USH2A: variants seen among roughly 807,000 people sequenced by gnomAD.
USH2A encodes usherin.
USH2A carries 443 observed loss-of-function variants against 538.9 expected under a neutral mutation model. The observed-to-expected ratio is 0.82, with a 90% CI of 0.76 to 0.89. The LOEUF (loss-of-function observed/expected upper bound fraction) is 0.89. Ranked by LOEUF, USH2A falls within the 40% of genes least tolerant of loss-of-function variation. The probability of loss-of-function intolerance (pLI) is 0.00; values close to 1 mark genes in which losing one functional copy is unlikely to be tolerated. For synonymous variants in USH2A, 2,413 were observed against 2,273.5 expected (o/e 1.06, Z -1.75); for missense variants, 6,633 against 6,324.8 (o/e 1.05, Z -1.65).
chr1:215,625,607 ATT>A lies in USH2A; in HGVS notation c.*172_*173del. 1.5e-6 allele frequency: 1 copy of A among 654,708 alleles called. No individual in the cohort carries two copies. Among genetic ancestry groups the A allele is most frequent in the South Asian group, 1.8e-5 (1 of 55,464 alleles). 40.6% of individuals were successfully genotyped at this position (654,708 alleles called of 1,614,324 possible). Reference sequence around the variant, plus strand: ...TCTCATTTAAGATGAGAAAAATATCATTTCTTAGACCTCTATTAGGAAGGAAC... The same window carrying A: ...TCTCATTTAAGATGAGAAAAATATCATCTTAGACCTCTATTAGGAAGGAAC... On this transcript the variant is annotated 3_prime_UTR_variant, in exon 72 of 72. Transcript: ENST00000307340.
Position 216,054,082 on chromosome 1 carries a change from C to A in USH2A, c.6050-5435G>T, listed in dbSNP as rs78695676. Among the ~76,000 whole-genome samples the A allele has an allele frequency of 4.1e-3, 617 of 152,276 alleles. 5 individuals carry two copies. The highest frequency in any genetic ancestry group is 0.014 in the African/African-American group (600 of 41,564). On this transcript the variant is annotated intron_variant, in intron 30 of 71. Transcript: ENST00000307340. ...ATTCCTTGAACACAGAGGGCATAGC[C>A]TTTTACTGCTTTCCTTATCCTCTAT...
chr1:215,930,979 G>C lies in USH2A; in HGVS notation c.7300+3637C>G, dbSNP rs1032383829. On this transcript the variant is annotated intron_variant, in intron 38 of 71. Coordinates refer to ENST00000307340, the MANE Select transcript of USH2A (RefSeq NM_206933.4). ...AAGAATACCTTAGTGCTAAATATGA[G>C]CATTATGTTATTACAAACAACCTAA... 5.9e-5 allele frequency among the ~76,000 whole-genome samples: 9 copies of C among 151,808 alleles called. No homozygotes were observed. In the East Asian group the frequency reaches 1.5e-3, roughly 26 times the overall value.
intron 21 of USH2A, among the ~76,000 whole-genome samples, chr1:216,146,160 A>AC (rs1049629565): frequency 1.2e-4 from 19 of 152,142 alleles, no homozygotes; most frequent in African/African-American, 4.3e-4. Context: ...AGGTCCTCAG[A>AC]CCGACCAGCC....
chr1:215,634,425 A>T lies in USH2A; in HGVS notation c.15297+34T>A, dbSNP rs1198899128. 3 of 1,613,970 alleles carry T rather than the reference A, an allele frequency of 1.9e-6. No homozygotes were observed. The Admixed American group carries it at 5.0e-5, about 27-fold the overall frequency. ...GGAAAACAAGTATTCTAGTCCAGTG[A>T]TAGGGAAATGGGGCCACACCTCTAC... is the stretch of plus-strand genomic sequence containing the variant. On this transcript the variant is annotated intron_variant, in intron 70 of 71. Coordinates refer to ENST00000307340, the MANE Select transcript of USH2A (RefSeq NM_206933.4).
At chr1:216,101,588 G>A (rs2032579112) in intron 21 of USH2A, among the ~76,000 whole-genome samples, 1 of 152,192 alleles carries the variant, frequency 6.6e-6, no homozygotes, top group Non-Finnish European at 1.5e-5. Context: ...GTGGATCAGA[G>A]CCCAGCAGTG....
At chr1:215,693,116 G>GTATA (rs1553253927) in intron 61 of USH2A, among the ~76,000 whole-genome samples, 44,306 of 133,240 alleles carry the variant, frequency 0.33, 7,920 homozygotes, top group Non-Finnish European at 0.4. Context: ...GTGTGTATGT[G>GTATA]TATATATATA....
intron 37 of USH2A, among the ~76,000 whole-genome samples, chr1:215,954,480 C>T (rs1444972673): frequency 1.4e-5 from 2 of 146,796 alleles, no homozygotes; most frequent in African/African-American, 5.1e-5. Flanking sequence ...AACCAAACAC[C>T]GTATGTTCTC....
At chr1:215,743,357 G>C (rs747781145) in intron 58 of USH2A, 22 bp from the exon 59 acceptor site, 8 of 1,473,218 alleles carry the variant, frequency 5.4e-6, no homozygotes, top group African/African-American at 1.5e-5. Flanking sequence ...GAGAGAGAGA[G>C]AGAACATTAA....
chr1:215,804,073 C>T (rs1571702796), intron 49 of USH2A, among the ~76,000 whole-genome samples: 1 of 152,152 alleles, frequency 6.6e-6, no homozygotes. Flanking sequence ...GGAAAACTGG[C>T]TAGCCATATG....
intron 46 of USH2A, among the ~76,000 whole-genome samples, chr1:215,840,701 C>T (rs1025684423): frequency 1.3e-5 from 2 of 152,174 alleles, no homozygotes; most frequent in Non-Finnish European, 2.9e-5. Context: ...GCATGCACAG[C>T]ACACAGTGTT....
chr1:215,634,144 T>C (rs1458755305), intron 70 of USH2A, among the ~76,000 whole-genome samples: 1 of 152,220 alleles, frequency 6.6e-6, no homozygotes, highest in African/African-American at 2.4e-5. Context: ...TACTCATCCC[T>C]AGTTACACAT....
intron 3 of USH2A, among the ~76,000 whole-genome samples, chr1:216,416,020 A>T (rs2039571858): frequency 6.6e-6 from 1 of 152,046 alleles, no homozygotes; most frequent in African/African-American, 2.4e-5. Flanking sequence ...ACAAAAAATT[A>T]GCCAGTGTGG....
At chr1:215,627,424 C>T (rs1029592199) in intron 71 of USH2A, among the ~76,000 whole-genome samples, 12 of 113,102 alleles carry the variant, frequency 1.1e-4, no homozygotes, top group African/African-American at 3.7e-5. Context: ...TTCCTTCCTT[C>T]CTTCCTTCCT....
intron 21 of USH2A, among the ~76,000 whole-genome samples, chr1:216,110,994 G>A (rs570359335): frequency 6.6e-6 from 1 of 152,292 alleles, no homozygotes; most frequent in African/African-American, 2.4e-5. Flanking sequence ...GGGAGGTCAA[G>A]GCAAGCGGAT....
chr1:216,173,364 G>C (rs2034308931), intron 21 of USH2A, among the ~76,000 whole-genome samples: 1 of 152,062 alleles, frequency 6.6e-6, no homozygotes, highest in Non-Finnish European at 1.5e-5. Flanking sequence ...ACTAAAAAGG[G>C]CATCAGCAAT....
In USH2A at chr1:215,623,069, C is replaced by T. The variant is rs923319158; in HGVS notation, c.*2712G>A. 2 of 151,976 alleles carry T rather than the reference C, an allele frequency of 1.3e-5. No individual in the cohort carries two copies. The highest frequency in any genetic ancestry group is 2.1e-4 in the South Asian group (1 of 4,828). 9.4% of individuals were successfully genotyped at this position (151,976 alleles called of 1,614,324 possible). On this transcript the variant is annotated 3_prime_UTR_variant, in exon 72 of 72. Transcript: ENST00000307340. ...TTCATGGATGCCAGCATGATTTTTA[C>T]ATCAGTATATGGTACCATAACATTA...
rs114921019 is a variant in USH2A, at chr1:215,722,211, G to A, written c.12066+5819C>T. ...TGTGAAAATCTCAGTTTATAGAACC[G>A]ACCCAGGAAATATGATAATTATTTT... On this transcript the variant is annotated intron_variant, in intron 61 of 71. Transcript: ENST00000307340. Among the ~76,000 whole-genome samples, 449 of 152,062 alleles carry A rather than the reference G, an allele frequency of 3.0e-3. 2 individuals are homozygous for A. Among genetic ancestry groups the A allele is most frequent in the Admixed American group, 6.6e-3 (100 of 15,262 alleles).
chr1:215,934,886 C>T (rs188408090), intron 37 of USH2A, 91 bp from the exon 38 acceptor site: 2 of 1,257,810 alleles, frequency 1.6e-6, no homozygotes, highest in Non-Finnish European at 2.2e-6. Context: ...TCTAAATATA[C>T]TGTACCAAAT....
intron 21 of USH2A, among the ~76,000 whole-genome samples, chr1:216,169,843 A>G (rs905424759): frequency 6.6e-6 from 1 of 152,100 alleles, no homozygotes; most frequent in Non-Finnish European, 1.5e-5. Flanking sequence ...GTAGATTATT[A>G]TATTTGTTTT....
Sources: gnomAD v4.1 joint callset for allele counts (sites outside exome capture counted in the v4.1 genomes callset) on GRCh38, gnomAD v4.1.1 for gene constraint, MANE v1.5 for transcripts, NCBI Gene and HGNC (gene_info 2026-07-23, HGNC 2026-07-21) for gene names.